PRKCB: variants seen among roughly 807,000 people sequenced by gnomAD.
PRKCB encodes protein kinase C beta.
In PRKCB, 13 loss-of-function variants were observed where a neutral mutation model predicts 81.5. The ratio of observed to expected loss-of-function variants is 0.16; its 90% CI spans 0.10 to 0.25. The LOEUF (loss-of-function observed/expected upper bound fraction) is 0.25, where lower values mean the gene tolerates loss of function less well. PRKCB is among the 10% of genes least tolerant of loss of function. The pLI, the probability that PRKCB is intolerant of heterozygous loss-of-function variation, is 1.00. For missense variants in PRKCB, 509 were observed against 875.7 expected (o/e 0.58, Z 5.29); for synonymous variants, 335 against 321.4 (o/e 1.04, Z -0.45).
intron 10 of PRKCB, among the ~76,000 whole-genome samples, chr16:24,168,955 T>C (rs922121560): frequency 1.3e-5 from 2 of 152,110 alleles, no homozygotes; most frequent in African/African-American, 4.8e-5. Flanking sequence ...TGGAAAACAC[T>C]TGTCTGGCTT....
chr16:23,856,454 ATAC>A (rs1445366175), intron 2 of PRKCB, among the ~76,000 whole-genome samples: 1 of 152,146 alleles, frequency 6.6e-6, no homozygotes, highest in Non-Finnish European at 1.5e-5. Flanking sequence ...TAGGTCAAGA[ATAC>A]CATGAAGAAA....
intron 2 of PRKCB, among the ~76,000 whole-genome samples, chr16:23,897,286 T>C (rs186962250): frequency 1.3e-3 from 201 of 152,364 alleles, no homozygotes; most frequent in Non-Finnish European, 2.4e-3. Flanking sequence ...CAGATGGCTT[T>C]ATTCTTTCCC....
intron 2 of PRKCB, among the ~76,000 whole-genome samples, chr16:23,980,776 G>C (rs1964688091): frequency 6.7e-6 from 1 of 150,368 alleles, no homozygotes. Flanking sequence ...TTGTGTACAA[G>C]AGGGGAATCG....
chr16:23,977,986 A>G (rs1381270668), intron 2 of PRKCB, among the ~76,000 whole-genome samples: 1 of 152,158 alleles, frequency 6.6e-6, no homozygotes, highest in African/African-American at 2.4e-5. Flanking sequence ...GGCACGTGGT[A>G]GGCACGTGAA....
chr16:24,162,442 CTTTT>C (rs564543744), intron 10 of PRKCB, among the ~76,000 whole-genome samples: 43 of 68,604 alleles, frequency 6.3e-4, no homozygotes, highest in African/African-American at 2.1e-3. Flanking sequence ...ACAGAGAAGA[CTTTT>C]TTTTTTTTTT....
intron 2 of PRKCB, among the ~76,000 whole-genome samples, chr16:23,945,046 A>C (rs750550441): frequency 1.3e-5 from 2 of 152,186 alleles, no homozygotes; most frequent in Non-Finnish European, 2.9e-5. Context: ...GAGAGACCAG[A>C]GATCAAGAAG....
At chr16:24,096,665 AAATATATATATATAT>A (rs1217313278) in intron 7 of PRKCB, among the ~76,000 whole-genome samples, 3,772 of 39,282 alleles carry the variant, frequency 0.096, 163 homozygotes, top group Middle Eastern at 0.14. Flanking sequence ...AAAAAAAAAA[AAATATATATATATAT>A]ATATATATAT....
intron 10 of PRKCB, among the ~76,000 whole-genome samples, chr16:24,162,636 G>A (rs978237595): frequency 1.3e-5 from 2 of 151,682 alleles, no homozygotes; most frequent in African/African-American, 4.8e-5. Context: ...TTTTTTTGTA[G>A]AGATGGGGTT....
rs528558084 is a variant in PRKCB at position 24,082,811 on chromosome 16, C to T, written c.530-9980C>T. 4.7e-5 allele frequency among the ~76,000 whole-genome samples: 7 copies of T among 150,196 alleles called. No homozygotes were observed. The East Asian group carries it at 9.8e-4, about 21-fold the overall frequency. ...ATACAAAGAGTTCTTAGACGTGACA[C>T]TTAAAAACGTGACCCATAAAAGAAA... is the stretch of plus-strand genomic sequence containing the variant. On this transcript the variant is annotated intron_variant, in intron 5 of 16. Coordinates refer to ENST00000643927, the MANE Select transcript of PRKCB (RefSeq NM_002738.7).
chr16:23,866,978 CCTTCCTTCCCTTCCT>C (rs1172472410), intron 2 of PRKCB, among the ~76,000 whole-genome samples: 1 of 94,344 alleles, frequency 1.1e-5, no homozygotes, highest in Non-Finnish European at 2.2e-5. Flanking sequence ...CCCTTCCTTC[CCTTCCTTCCCTTCCT>C]TCCCTTCCTT....
chr16:23,942,446 T>C lies in PRKCB; in HGVS notation c.206-46062T>C, dbSNP rs7195133. On this transcript the variant is annotated intron_variant, in intron 2 of 16. Transcript: ENST00000643927. ...CAATGGTGTGTTCCTTCCATAGACA[T>C]GTGAGCCTGGAGCTTGGAGCATTGG... Among the ~76,000 whole-genome samples, 1,178 of 152,312 alleles carry C rather than the reference T, an allele frequency of 7.7e-3. 10 individuals carry two copies. The highest frequency in any genetic ancestry group is 0.027 in the African/African-American group (1,134 of 41,564).
chr16:24,152,793 C>T (rs1027200402), intron 9 of PRKCB, among the ~76,000 whole-genome samples: 1 of 152,218 alleles, frequency 6.6e-6, no homozygotes, highest in Non-Finnish European at 1.5e-5. Flanking sequence ...GGAGCCCTGT[C>T]TTGCCATGCA....
intron 5 of PRKCB, among the ~76,000 whole-genome samples, chr16:24,090,463 C>A (rs965369570): frequency 6.6e-6 from 1 of 151,986 alleles, no homozygotes; most frequent in Non-Finnish European, 1.5e-5. Flanking sequence ...TAAGAAAGGA[C>A]AGGTATTTGA....
intron 5 of PRKCB, among the ~76,000 whole-genome samples, chr16:24,067,843 T>C (rs1212161591): frequency 6.6e-6 from 1 of 151,524 alleles, no homozygotes; most frequent in Non-Finnish European, 1.5e-5. Context: ...GGCACATGCC[T>C]GTAATCCCAG....
At chr16:23,862,994 G>C (rs925760499) in intron 2 of PRKCB, among the ~76,000 whole-genome samples, 12 of 151,502 alleles carry the variant, frequency 7.9e-5, no homozygotes, top group African/African-American at 2.9e-4. Context: ...TTGCAAAACA[G>C]AGTAATTAAG....
At chr16:23,847,349 T>C (rs567230478) in intron 2 of PRKCB, among the ~76,000 whole-genome samples, 2 of 116,654 alleles carry the variant, frequency 1.7e-5, no homozygotes, top group African/African-American at 7.7e-5. Flanking sequence ...TCTATCTATC[T>C]ATCTATCTAT....
chr16:24,039,165 G>A (rs969595117), intron 5 of PRKCB, among the ~76,000 whole-genome samples: 3 of 152,174 alleles, frequency 2.0e-5, no homozygotes, highest in African/African-American at 7.2e-5. Context: ...GAAGCTGCTG[G>A]TACCTCGATC....
At chr16:23,883,635 T>C (rs1423301244) in intron 2 of PRKCB, among the ~76,000 whole-genome samples, 1 of 152,124 alleles carries the variant, frequency 6.6e-6, no homozygotes, top group Non-Finnish European at 1.5e-5. Flanking sequence ...AGGTGAGAGA[T>C]GGTGTCTTTG....
chr16:24,180,096 G>A (rs997242648), intron 12 of PRKCB, among the ~76,000 whole-genome samples: 5 of 151,904 alleles, frequency 3.3e-5, no homozygotes, highest in Admixed American at 3.3e-4. Flanking sequence ...AGGCGCCCAC[G>A]ACCACGCCCA....
Sources: gnomAD v4.1 joint callset for allele counts (sites outside exome capture counted in the v4.1 genomes callset) on GRCh38, gnomAD v4.1.1 for gene constraint, MANE v1.5 for transcripts, NCBI Gene and HGNC (gene_info 2026-07-23, HGNC 2026-07-21) for gene names.